The following RGL1 variants were observed in gnomAD, a reference collection of about 807,000 sequenced individuals.
RGL1 encodes ral guanine nucleotide dissociation stimulator like 1, also known as ral guanine nucleotide dissociation stimulator-like 1.
A neutral mutation model predicts 95.2 loss-of-function variants in RGL1; 24 were observed. The ratio of observed to expected loss-of-function variants is 0.25; its 90% CI spans 0.18 to 0.35. The LOEUF (loss-of-function observed/expected upper bound fraction) is 0.35, where lower values mean the gene tolerates loss of function less well. RGL1 is among the 10% of genes least tolerant of loss of function. The probability of loss-of-function intolerance (pLI) is 1.00; values close to 1 mark genes in which losing one functional copy is unlikely to be tolerated. For missense variants in RGL1, 715 were observed against 936.3 expected (o/e 0.76, Z 3.08); for synonymous variants, 329 against 344.9 (o/e 0.95, Z 0.51).
rs767190380 is a variant in RGL1, at chr1:183,647,916, G to A, written c.-33+11415G>A. The A allele has an allele frequency of 1.3e-5, 21 of 1,614,088 alleles. No individual in the cohort carries two copies. Among genetic ancestry groups the A allele is most frequent in the Admixed American group, 6.7e-5 (4 of 60,002 alleles). ...AGGCACTAGCACAAAAACAACAGGA[G>A]CCCTGAGGTCTGGAGGTAGGTTGGG... On this transcript the variant is annotated intron_variant, in intron 1 of 18. Coordinates refer to the RGL1 transcript ENST00000304685.
chr1:183,893,711 C>T (rs1167624135), intron 9 of RGL1, among the ~76,000 whole-genome samples: 1 of 152,148 alleles, frequency 6.6e-6, no homozygotes, highest in East Asian at 1.9e-4. Flanking sequence ...CCTTCATTCT[C>T]AGGTCTGTGC....
chr1:183,854,982 T>C (rs1280046542), intron 3 of RGL1, among the ~76,000 whole-genome samples: 1 of 152,228 alleles, frequency 6.6e-6, no homozygotes, highest in Non-Finnish European at 1.5e-5. Flanking sequence ...TATTTGAAAT[T>C]ACCTTATTTA....
chr1:183,838,912 A>G (rs1663846973), intron 2 of RGL1, among the ~76,000 whole-genome samples: 1 of 152,232 alleles, frequency 6.6e-6, no homozygotes, highest in Non-Finnish European at 1.5e-5. Flanking sequence ...AGGAGTGTGC[A>G]CATTTGGCTC....
Position 183,912,153 on chromosome 1 carries a change from G to A in RGL1, c.1634G>A (p.Gly545Glu), listed in dbSNP as rs1347833828. Residue 545 changes from glycine (G) to glutamate (E), a missense_variant, in exon 15 of 18, where the codon GGG becomes GAG. Transcript: ENST00000360851. ...GAGCAGCCCAAGTCCACTGCCAGCG[G>A]GAGCTCTGGTGAAAGCATGGACTCT... Reference protein sequence around the residue: ...TKEQPKSTASGSSGESMDSVS... With the variant: ...TKEQPKSTASESSGESMDSVS... 5 of 1,614,086 alleles carry A rather than the reference G, an allele frequency of 3.1e-6. No individual in the cohort carries two copies. The highest frequency in any genetic ancestry group is 3.4e-6 in the Non-Finnish European group (4 of 1,180,000).
chr1:183,696,287 C>T (rs377139416), intron 1 of RGL1, among the ~76,000 whole-genome samples: 11 of 152,192 alleles, frequency 7.2e-5, no homozygotes, highest in African/African-American at 2.2e-4. Flanking sequence ...TCTGTGCCCC[C>T]GTCATTGTCC....
intron 10 of RGL1, 140 bp from the exon 11 acceptor site, chr1:183,900,010 A>G (rs1667925469): frequency 1.7e-6 from 1 of 572,372 alleles, no homozygotes; most frequent in African/African-American, 1.9e-5. Context: ...TAGAAATTTA[A>G]AAAATGTTAT....
chr1:183,790,340 A>T (rs1391987006), intron 2 of RGL1, among the ~76,000 whole-genome samples: 1 of 152,130 alleles, frequency 6.6e-6, no homozygotes, highest in East Asian at 1.9e-4. Context: ...AATCCTTGGA[A>T]CCTACACCCA....
rs561227615 is a variant in RGL1, at chr1:183,743,476, C to T, written c.132+1187C>T. ...AGCAGCTGTTTTCTGAGAGGCTTACCTGGGTGATATTCATTATCTTGGGTA... is the reference window on the plus strand; with the variant it reads ...AGCAGCTGTTTTCTGAGAGGCTTACTTGGGTGATATTCATTATCTTGGGTA... On this transcript the variant is annotated intron_variant, in intron 2 of 18. Transcript: ENST00000304685. Among the ~76,000 whole-genome samples the T allele has an allele frequency of 5.9e-5, 9 of 152,278 alleles. No homozygotes were observed. The East Asian group carries it at 9.7e-4, about 16-fold the overall frequency.
intron 2 of RGL1, among the ~76,000 whole-genome samples, chr1:183,816,554 G>A (rs1662101854): frequency 6.6e-6 from 1 of 152,190 alleles, no homozygotes; most frequent in South Asian, 2.1e-4. Context: ...CTGTGAAATG[G>A]CGTTAATATC....
At chr1:183,831,182 C>G (rs966907612) in intron 2 of RGL1, among the ~76,000 whole-genome samples, 1 of 152,134 alleles carries the variant, frequency 6.6e-6, no homozygotes, top group African/African-American at 2.4e-5. Context: ...GAGGGGTGCT[C>G]TAGGGGGTTT....
chr1:183,840,165 A>G (rs904535320), intron 2 of RGL1, among the ~76,000 whole-genome samples: 2 of 152,174 alleles, frequency 1.3e-5, no homozygotes, highest in African/African-American at 4.8e-5. Context: ...CAGGACCCCT[A>G]TGGAATGAGG....
At chr1:183,907,314 G>T (rs1435429726) in intron 14 of RGL1, among the ~76,000 whole-genome samples, 1 of 152,116 alleles carries the variant, frequency 6.6e-6, no homozygotes, top group African/African-American at 2.4e-5. Flanking sequence ...ATTCTCTCCT[G>T]CCTGAATCAC....
chr1:183,876,739 G>T (rs1666521719), intron 4 of RGL1, among the ~76,000 whole-genome samples: 1 of 152,224 alleles, frequency 6.6e-6, no homozygotes, highest in Non-Finnish European at 1.5e-5. Context: ...TGTCTTGTGT[G>T]TGTGTTCACA....
At chr1:183,853,920 T>C (rs1216125184) in intron 3 of RGL1, among the ~76,000 whole-genome samples, 2 of 152,186 alleles carry the variant, frequency 1.3e-5, no homozygotes, top group Non-Finnish European at 2.9e-5. Flanking sequence ...CAAGGGCTCC[T>C]CCCTTCACAC....
chr1:183,859,925 G>A (rs796609148), intron 3 of RGL1, among the ~76,000 whole-genome samples: 7 of 152,292 alleles, frequency 4.6e-5, no homozygotes, highest in African/African-American at 1.2e-4. Context: ...ATATTATTCA[G>A]AGTAATTAAA....
intron 2 of RGL1, among the ~76,000 whole-genome samples, chr1:183,762,586 C>T (rs773601521): frequency 2.0e-5 from 3 of 152,166 alleles, no homozygotes; most frequent in Admixed American, 6.5e-5. Context: ...CTGCTTGATG[C>T]GGGGTTGCCA....
chr1:183,856,977 T>C (rs1190769802), intron 3 of RGL1, among the ~76,000 whole-genome samples: 1 of 152,174 alleles, frequency 6.6e-6, no homozygotes, highest in East Asian at 1.9e-4. Context: ...GTCCACATCC[T>C]CATCCCTGAA....
intron 3 of RGL1, among the ~76,000 whole-genome samples, chr1:183,860,202 C>G (rs929569497): frequency 6.6e-6 from 1 of 152,184 alleles, no homozygotes; most frequent in African/African-American, 2.4e-5. Flanking sequence ...TTCTTCCTTT[C>G]CGTTCTTTCA....
chr1:183,650,708 ATT>A (rs11395856), intron 1 of RGL1, among the ~76,000 whole-genome samples: 10,156 of 144,596 alleles, frequency 0.07, 596 homozygotes, highest in African/African-American at 0.17. Context: ...AAAGAATCAG[ATT>A]TTTTTTTTTT....
Sources: gnomAD v4.1 joint callset for allele counts (sites outside exome capture counted in the v4.1 genomes callset) on GRCh38, gnomAD v4.1.1 for gene constraint, MANE v1.5 for transcripts, NCBI Gene and HGNC (gene_info 2026-07-23, HGNC 2026-07-21) for gene names.